The following CCDC170 variants were observed in gnomAD, a reference collection of about 807,000 sequenced individuals.
CCDC170 encodes coiled-coil domain-containing protein 170.
A neutral mutation model predicts 72.6 loss-of-function variants in CCDC170; 69 were observed. The ratio of observed to expected loss-of-function variants is 0.95; its 90% CI spans 0.78 to 1.16. CCDC170 has a LOEUF of 1.16. Among genes scored for constraint, CCDC170 ranks in the 50% most tolerant of loss-of-function variants. The pLI is 0.00. For synonymous variants in CCDC170, 300 were observed against 303.9 expected (o/e 0.99, Z 0.13); for missense variants, 852 against 832.5 (o/e 1.02, Z -0.29).
At chr6:151,531,874 T>C (rs1328902625) in intron 1 of CCDC170, among the ~76,000 whole-genome samples, 1 of 152,176 alleles carries the variant, frequency 6.6e-6, no homozygotes, top group Admixed American at 6.5e-5. Context: ...GGGAACTCAC[T>C]ACTATGAGAA....
chr6:151,593,777 A>G (rs533637618), intron 8 of CCDC170, among the ~76,000 whole-genome samples: 1 of 150,064 alleles, frequency 6.7e-6, no homozygotes, highest in Non-Finnish European at 1.5e-5. Context: ...AAGCAGAGGC[A>G]TCTTTAAAAA....
chr6:151,518,045 A>G (rs1782262732), intron 1 of CCDC170, among the ~76,000 whole-genome samples: 1 of 152,106 alleles, frequency 6.6e-6, no homozygotes, highest in South Asian at 2.1e-4. Context: ...TATACGAAAC[A>G]CTAGCAAGGT....
Position 151,618,169 on chromosome 6 carries a change from G to A in CCDC170, c.*22G>A. On this transcript the variant is annotated 3_prime_UTR_variant, in exon 11 of 11. Transcript: ENST00000239374. ...TTGAACACTGTATCTCTTGAGAGAG[G>A]TGGCCATAAGACATGGCACACAATT... is the stretch of plus-strand genomic sequence containing the variant. 1 of 1,594,062 alleles carries A rather than the reference G, an allele frequency of 6.3e-7. No individual in the cohort carries two copies. Among genetic ancestry groups the A allele is most frequent in the African/African-American group, 1.3e-5 (1 of 74,568 alleles).
rs370227881 is a variant in CCDC170 at position 151,573,467 on chromosome 6, C to T, written c.1068C>T (p.Asp356=). The T allele has an allele frequency of 2.5e-6, 4 of 1,613,856 alleles. No individual in the cohort carries two copies. The highest frequency in any genetic ancestry group is 2.5e-6 in the Non-Finnish European group (3 of 1,179,876). The change falls in exon 6 of 11, where the codon GAC becomes GAT. Residue 356 remains aspartate (D), a synonymous_variant. Transcript: ENST00000239374. ...DTILEKIREM[D]SREESRDRMV... ...TTTTGGAGAAGATTCGAGAAATGGACAGCCGGGAAGAAAGCAGGGACCGGG... is the reference window on the plus strand; with the variant it reads ...TTTTGGAGAAGATTCGAGAAATGGATAGCCGGGAAGAAAGCAGGGACCGGG...
chr6:151,508,244 A>G (rs1461181956), intron 1 of CCDC170, among the ~76,000 whole-genome samples: 1 of 152,170 alleles, frequency 6.6e-6, no homozygotes, highest in Non-Finnish European at 1.5e-5. Context: ...ATATGAGCTA[A>G]AATATTACAT....
intron 4 of CCDC170, among the ~76,000 whole-genome samples, chr6:151,545,094 T>C (rs1203249368): frequency 6.6e-6 from 1 of 152,088 alleles, no homozygotes; most frequent in Non-Finnish European, 1.5e-5. Context: ...TGATTGAGTG[T>C]GAGATCTAAA....
Position 151,573,283 on chromosome 6 carries a change from T to C in CCDC170, c.884T>C (p.Val295Ala). 1 of 1,614,190 alleles carries C rather than the reference T, an allele frequency of 6.2e-7. No homozygotes were observed. The highest frequency in any genetic ancestry group is 8.5e-7 in the Non-Finnish European group (1 of 1,180,018). The change falls in exon 6 of 11, where the codon GTG (valine) becomes GCG (alanine). Residue 295 changes from valine to alanine, a missense_variant. Physicochemically the swap from Val to Ala is moderately conservative, Grantham distance 64. Coordinates refer to ENST00000239374, the MANE Select transcript of CCDC170 (RefSeq NM_025059.4). ...GTCTGGGATGCCTCAAAGCAGGAAG[T>C]GAGCCTCCTGAAGAAAAGCTCTTCT... Reference protein sequence around the residue: ...QQVWDASKQEVSLLKKSSSEL... With the variant: ...QQVWDASKQEASLLKKSSSEL...
chr6:151,535,953 C>A (rs1782569722), intron 1 of CCDC170, among the ~76,000 whole-genome samples: 1 of 152,076 alleles, frequency 6.6e-6, no homozygotes, highest in East Asian at 1.9e-4. Context: ...TAGGGTCTTG[C>A]TGTCTCTATC....
At position 151,611,824 on chromosome 6, in the gene CCDC170, C is replaced by G. The variant is rs553011172; in HGVS notation, c.1711-3619C>G. 1.1e-4 allele frequency among the ~76,000 whole-genome samples: 17 copies of G among 152,240 alleles called. No homozygotes were observed. In the South Asian group the frequency reaches 2.7e-3, roughly 24 times the overall value. On this transcript the variant is annotated intron_variant, in intron 9 of 10. Coordinates refer to ENST00000239374, the MANE Select transcript of CCDC170 (RefSeq NM_025059.4). Reference sequence around the variant, plus strand: ...CTCCTGGGTTCAAGTGATTCTCCTGCCTCAGCCTCCTGAGTAGCCGGGAGT... The same window carrying G: ...CTCCTGGGTTCAAGTGATTCTCCTGGCTCAGCCTCCTGAGTAGCCGGGAGT...
chr6:151,528,524 A>G (rs1409755232), intron 1 of CCDC170, among the ~76,000 whole-genome samples: 1 of 152,162 alleles, frequency 6.6e-6, no homozygotes, highest in Non-Finnish European at 1.5e-5. Context: ...TTGTGAAGGT[A>G]ATACAGTTAT....
chr6:151,567,263 AG>A (rs1193871238), intron 5 of CCDC170, among the ~76,000 whole-genome samples: 9 of 152,208 alleles, frequency 5.9e-5, no homozygotes, highest in Non-Finnish European at 1.3e-4. Context: ...TACTTACAGT[AG>A]AAAACAAATC....
chr6:151,569,454 T>C (rs1776187614), intron 5 of CCDC170, among the ~76,000 whole-genome samples: 1 of 152,248 alleles, frequency 6.6e-6, no homozygotes, highest in Non-Finnish European at 1.5e-5. Flanking sequence ...TAAAGACTTA[T>C]TAATTATAAA....
intron 6 of CCDC170, among the ~76,000 whole-genome samples, chr6:151,580,294 G>T (rs1237601245): frequency 6.6e-6 from 1 of 152,130 alleles, no homozygotes; most frequent in African/African-American, 2.4e-5. Flanking sequence ...TCTTCAGGTA[G>T]AAATACTCAC....
chr6:151,615,175 C>G (rs542713269), intron 9 of CCDC170, among the ~76,000 whole-genome samples: 2 of 152,294 alleles, frequency 1.3e-5, no homozygotes, highest in Admixed American at 6.5e-5. Context: ...ATTTTAAAAT[C>G]TGACCCCAGA....
chr6:151,566,528 A>T (rs1010386683), intron 5 of CCDC170, among the ~76,000 whole-genome samples: 1 of 152,198 alleles, frequency 6.6e-6, no homozygotes, highest in Non-Finnish European at 1.5e-5. Context: ...AACAGAAAAA[A>T]ATATTTAATA....
intron 9 of CCDC170, 84 bp downstream of exon 9, chr6:151,596,661 C>T (rs925765215): frequency 2.0e-6 from 3 of 1,532,536 alleles, no homozygotes; most frequent in Non-Finnish European, 2.6e-6. Context: ...TTTATCGGGA[C>T]ACGCCAGAAG....
chr6:151,586,182 G>T, intron 7 of CCDC170, 93 bp downstream of exon 7: 1 of 1,321,516 alleles, frequency 7.6e-7, no homozygotes, highest in Non-Finnish European at 1.0e-6. Context: ...TATTTAGTTT[G>T]GTTAAGTCCT....
At chr6:151,536,008 C>T (rs1782571147) in intron 1 of CCDC170, among the ~76,000 whole-genome samples, 3 of 152,156 alleles carry the variant, frequency 2.0e-5, no homozygotes, top group Non-Finnish European at 4.4e-5. Context: ...AATCCTCCTG[C>T]CTTGGCCTCC....
chr6:151,523,882 G>C (rs1355032942), intron 1 of CCDC170, among the ~76,000 whole-genome samples: 2 of 152,112 alleles, frequency 1.3e-5, no homozygotes, highest in Admixed American at 6.6e-5. Context: ...ACAATGTATT[G>C]GTCTCTTTGT....
Sources: allele counts gnomAD v4.1 joint callset (sites outside exome capture counted in the v4.1 genomes callset), GRCh38; gene constraint gnomAD v4.1.1; transcripts MANE v1.5; gene names NCBI Gene and HGNC (gene_info 2026-07-23, HGNC 2026-07-21).